GCNT1: variants seen among roughly 807,000 people sequenced by gnomAD.
The protein encoded by GCNT1 is beta-1,3-galactosyl-O-glycosyl-glycoprotein beta-1,6-N-acetylglucosaminyltransferase.
A neutral mutation model predicts 26.2 loss-of-function variants in GCNT1; 16 were observed. The observed-to-expected ratio is 0.61, with a 90% CI of 0.41 to 0.93. The LOEUF (loss-of-function observed/expected upper bound fraction) is 0.93, where lower values mean the gene tolerates loss of function less well. Ranked by LOEUF, GCNT1 falls within the 40% of genes least tolerant of loss-of-function variation. The probability of loss-of-function intolerance (pLI) is 0.00; values close to 1 mark genes in which losing one functional copy is unlikely to be tolerated. For synonymous variants in GCNT1, 183 were observed against 190.8 expected (o/e 0.96, Z 0.34); for missense variants, 477 against 526.7 (o/e 0.91, Z 0.92).
intron 1 of GCNT1, among the ~76,000 whole-genome samples, chr9:76,422,032 C>T (rs1019295788): frequency 2.6e-5 from 4 of 152,032 alleles, no homozygotes; most frequent in Admixed American, 6.6e-5. Context: ...TGGATGACAC[C>T]TCTTCACAGG....
intron 2 of GCNT1, among the ~76,000 whole-genome samples, chr9:76,475,792 A>G (rs1824241587): frequency 6.6e-6 from 1 of 152,226 alleles, no homozygotes. Context: ...AAATGAGAGG[A>G]GTCATTACCA....
chr9:76,393,976 T>G, the GCNT1 span: 1 of 933,930 alleles, frequency 1.1e-6, no homozygotes. Flanking sequence ...AGGAAGGGTG[T>G]GCTCTCTGCC....
At chr9:76,463,008 C>T (rs1031569211) in intron 2 of GCNT1, among the ~76,000 whole-genome samples, 2 of 152,134 alleles carry the variant, frequency 1.3e-5, no homozygotes, top group Admixed American at 1.3e-4. Context: ...AAAACGAAGA[C>T]TGCTGTGTAT....
chr9:76,500,704 AG>A (rs1206287535), intron 2 of GCNT1, among the ~76,000 whole-genome samples: 2 of 152,232 alleles, frequency 1.3e-5, no homozygotes, highest in Non-Finnish European at 2.9e-5. Flanking sequence ...CCTAAATTTC[AG>A]GGTGTTTTCA....
chr9:76,493,456 A>G (rs1483006368), intron 2 of GCNT1, among the ~76,000 whole-genome samples: 1 of 152,176 alleles, frequency 6.6e-6, no homozygotes, highest in Non-Finnish European at 1.5e-5. Context: ...GGACATCTAT[A>G]TACCTATCAG....
At chr9:76,421,894 G>A (rs10869774) in intron 1 of GCNT1, among the ~76,000 whole-genome samples, 53,847 of 151,332 alleles carry the variant, frequency 0.36, 10,086 homozygotes, top group Middle Eastern at 0.4. Context: ...GGGTTTTACC[G>A]TTATGTTAGT....
At chr9:76,501,832 G>A (rs1825077152) in intron 3 of GCNT1, 2 of 152,056 alleles carry the variant, frequency 1.3e-5, no homozygotes, top group Non-Finnish European at 2.9e-5. Context: ...ACAAGGGGTG[G>A]TAATTCTGGC....
At position 76,503,096 on chromosome 9, in the gene GCNT1, GAA is replaced by G. The variant is rs1825130266; in HGVS notation, c.718_719del (p.Asn240GlnfsTer11). The G allele has an allele frequency of 1.2e-6, 2 of 1,614,004 alleles. No individual in the cohort carries two copies. Among genetic ancestry groups the G allele is most frequent in the Non-Finnish European group, 1.7e-6 (2 of 1,180,006 alleles). ...IVRKLKLLMG[E>X]NNLETERMPS... is the part of the protein sequence containing the mutation. The stretch of plus-strand genomic sequence containing the variant: ...CAGGAAGCTCAAGTTGTTAATGGGA[GAA>G]AACAACCTGGAAACGGAGAGGATGC... On this transcript the variant is annotated frameshift_variant, in exon 4 of 4. Coordinates refer to ENST00000376730, the MANE Select transcript of GCNT1 (RefSeq NM_001490.5). LOFTEE classifies it high-confidence loss of function.
rs184351359 is a variant in GCNT1 at position 76,442,710 on chromosome 9, G to T, written c.-290+395G>T. Among the ~76,000 whole-genome samples, 137 of 152,136 alleles carry T rather than the reference G, an allele frequency of 9.0e-4. 3 individuals are homozygous for T. The highest frequency in any genetic ancestry group is 1.3e-3 in the Non-Finnish European group (87 of 67,970). ...AAGAAAGAAAGAAACTAACACAGTG[G>T]TTTTATCTGATTATCCGATTATCAG... On this transcript the variant is annotated intron_variant, in intron 1 of 2. Transcript: ENST00000442371.
rs541065228 is a variant in GCNT1 at position 76,472,957 on chromosome 9, C to T, written c.-290+12780C>T. Among the ~76,000 whole-genome samples, 4 of 152,110 alleles carry T rather than the reference C, an allele frequency of 2.6e-5. No homozygotes were observed. In the South Asian group the frequency reaches 6.2e-4, roughly 24 times the overall value. On this transcript the variant is annotated intron_variant, in intron 2 of 3. Coordinates refer to ENST00000376730, the MANE Select transcript of GCNT1 (RefSeq NM_001490.5). ...AGAGACGGGGTTTCACCACGTTGGC[C>T]GGGGTGGTCTAGAATTCCTGACCTC...
chr9:76,460,642 T>C (rs1264827393), intron 2 of GCNT1, among the ~76,000 whole-genome samples: 1 of 152,120 alleles, frequency 6.6e-6, no homozygotes, highest in Non-Finnish European at 1.5e-5. Context: ...CTGCTTTTTC[T>C]TAAAGGAATT....
the GCNT1 span, among the ~76,000 whole-genome samples, chr9:76,400,948 C>T: frequency 1.3e-5 from 2 of 152,214 alleles, no homozygotes; most frequent in Non-Finnish European, 2.9e-5. Flanking sequence ...GACTCTGGCT[C>T]TTACACCAGT....
chr9:76,472,209 G>A (rs1450677051), intron 2 of GCNT1, among the ~76,000 whole-genome samples: 1 of 152,168 alleles, frequency 6.6e-6, no homozygotes, highest in East Asian at 1.9e-4. Flanking sequence ...CCCGAACCCG[G>A]GAGGCGGAGG....
At chr9:76,471,313 A>T (rs1022045327) in intron 2 of GCNT1, among the ~76,000 whole-genome samples, 1 of 152,086 alleles carries the variant, frequency 6.6e-6, no homozygotes, top group Non-Finnish European at 1.5e-5. Flanking sequence ...GGTGTGAGCC[A>T]CTGTGCCCTG....
chr9:76,482,421 A>T (rs933337053), intron 2 of GCNT1, among the ~76,000 whole-genome samples: 2 of 151,744 alleles, frequency 1.3e-5, no homozygotes, highest in African/African-American at 4.8e-5. Context: ...GGAGATCGAG[A>T]CCATCCTGGC....
At chr9:76,400,236 TAG>T in the GCNT1 span, among the ~76,000 whole-genome samples, 3 of 152,188 alleles carry the variant, frequency 2.0e-5, no homozygotes, top group Admixed American at 2.0e-4. Flanking sequence ...CTCTAAAAAG[TAG>T]AGTCTATTAG....
At chr9:76,427,013 T>C (rs1392117017) in intron 1 of GCNT1, among the ~76,000 whole-genome samples, 1 of 152,192 alleles carries the variant, frequency 6.6e-6, no homozygotes, top group East Asian at 1.9e-4. Flanking sequence ...TCCTCAGAAT[T>C]GACTGTGTTA....
upstream of GCNT1, among the ~76,000 whole-genome samples, chr9:76,439,785 A>G (rs1362635429): frequency 6.6e-6 from 1 of 152,180 alleles, no homozygotes; most frequent in African/African-American, 2.4e-5. Flanking sequence ...GTTGTACCAC[A>G]TGATATCAAG....
chr9:76,454,591 CA>C (rs1823722788), upstream of GCNT1, among the ~76,000 whole-genome samples: 1 of 151,526 alleles, frequency 6.6e-6, no homozygotes, highest in South Asian at 2.1e-4. Flanking sequence ...CCATAATCCC[CA>C]CGTGGTGAGG....
Sources: allele counts gnomAD v4.1 joint callset (sites outside exome capture counted in the v4.1 genomes callset), GRCh38; gene constraint gnomAD v4.1.1; transcripts MANE v1.5; gene names NCBI Gene and HGNC (gene_info 2026-07-23, HGNC 2026-07-21).